Variants in MINK1 observed in about 807,000 individuals in gnomAD.
The protein encoded by MINK1 is misshapen like kinase 1.
In MINK1, 46 loss-of-function variants were observed where a neutral mutation model predicts 178.4. The ratio of observed to expected loss-of-function variants is 0.26; its 90% CI spans 0.20 to 0.33. The LOEUF is 0.33. MINK1 is among the 10% of genes least tolerant of loss of function. The pLI is 1.00. For synonymous variants in MINK1, 797 were observed against 709.7 expected (o/e 1.12, Z -1.96); for missense variants, 1,366 against 1,814.9 (o/e 0.75, Z 4.49).
intron 1 of MINK1, among the ~76,000 whole-genome samples, chr17:4,839,824 G>A (rs761858906): frequency 2.0e-5 from 3 of 152,218 alleles, no homozygotes; most frequent in Non-Finnish European, 2.9e-5. Context: ...TACGTGCTAC[G>A]TGTGGGTAGG....
At position 4,891,627 on chromosome 17, in the gene MINK1, C is replaced by T. The variant is rs763343564; in HGVS notation, c.1912C>T (p.Arg638Cys). The change falls in exon 16 of 32, where the codon CGC becomes TGC. Residue 638 changes from arginine (R) to cysteine (C), a missense_variant. Coordinates refer to ENST00000355280, the MANE Select transcript of MINK1 (RefSeq NM_153827.5). The part of the protein sequence containing the change: ...ATPSARGAVI[R>C]QNSDPTSEGP... ...GCCCAGTGCCCGAGGAGCTGTCATC[C>T]GCCAGAATTCAGACCCCACCTCTGA... 7 of 1,601,976 alleles carry T rather than the reference C, an allele frequency of 4.4e-6. No individual in the cohort carries two copies. Among genetic ancestry groups the T allele is most frequent in the South Asian group, 1.1e-5 (1 of 88,926 alleles).
In MINK1 at chr17:4,896,566, G is replaced by T; in HGVS notation, c.3753G>T (p.Trp1251Cys). The change falls in exon 30 of 32, where the codon TGG becomes TGT. Residue 1251 changes from tryptophan to cysteine, a missense_variant. Coordinates refer to ENST00000355280, the MANE Select transcript of MINK1 (RefSeq NM_153827.5). The surrounding 1 kb of genome is among the most constrained non-coding windows in gnomAD (Gnocchi z 4.6). ...TCATTAAGGATGTGGTGCTGCAGTG[G>T]GGGGAGATGCCTACTTCTGTGGGTG... Reference protein sequence around the residue: ...GRIIKDVVLQWGEMPTSVAYI... With the variant: ...GRIIKDVVLQCGEMPTSVAYI... 1.2e-6 allele frequency: 2 copies of T among 1,613,926 alleles called. No homozygotes were observed. The highest frequency in any genetic ancestry group is 1.7e-6 in the Non-Finnish European group (2 of 1,179,856).
chr17:4,862,709 G>A (rs1004094101), intron 1 of MINK1, among the ~76,000 whole-genome samples: 1 of 151,892 alleles, frequency 6.6e-6, no homozygotes, highest in African/African-American at 2.4e-5. Flanking sequence ...CACAGTGCCA[G>A]GCTGTCAATA....
intron 1 of MINK1, among the ~76,000 whole-genome samples, chr17:4,848,064 G>A: frequency 6.6e-6 from 1 of 151,740 alleles, no homozygotes; most frequent in East Asian, 1.9e-4. Context: ...AGGGAGGGAG[G>A]ACGGGAGGGA....
intron 1 of MINK1, 94 bp from the exon 2 acceptor site, chr17:4,878,223 C>T: frequency 8.8e-7 from 1 of 1,142,440 alleles, no homozygotes; most frequent in Non-Finnish European, 1.3e-6. Flanking sequence ...GGTCTTCACT[C>T]CCATATCTTG....
intron 21 of MINK1, 167 bp downstream of exon 21, chr17:4,893,764 G>A (rs1315603115): frequency 1.8e-6 from 2 of 1,123,178 alleles, no homozygotes; most frequent in East Asian, 2.6e-5. Flanking sequence ...TGCCCTGTGT[G>A]TTGTGGGGTG....
chr17:4,871,694 G>T (rs1407642903), intron 1 of MINK1, among the ~76,000 whole-genome samples: 1 of 152,202 alleles, frequency 6.6e-6, no homozygotes, highest in Admixed American at 6.5e-5. Context: ...CTACCTAGAA[G>T]TGGAATGGCT....
chr17:4,892,940 G>A (rs751917136), intron 19 of MINK1, 39 bp from the exon 20 acceptor site: 2 of 1,508,770 alleles, frequency 1.3e-6, no homozygotes, highest in Non-Finnish European at 1.8e-6. Context: ...GCCATCCCTT[G>A]TTCAGGCATC....
At chr17:4,897,075 G>T in intron 31 of MINK1, 129 bp from the exon 32 acceptor site, 1 of 898,960 alleles carries the variant, frequency 1.1e-6, no homozygotes, top group Non-Finnish European at 1.7e-6. Flanking sequence ...GGGGCACTGT[G>T]AGTCTCCTCC....
At chr17:4,842,402 A>G (rs892024434) in intron 1 of MINK1, among the ~76,000 whole-genome samples, 1 of 152,118 alleles carries the variant, frequency 6.6e-6, no homozygotes, top group Non-Finnish European at 1.5e-5. Flanking sequence ...GAGGGACTGG[A>G]CAGGTTTCTT....
At chr17:4,847,038 C>T in intron 1 of MINK1, 1 of 385,948 alleles carries the variant, frequency 2.6e-6, no homozygotes, top group South Asian at 1.9e-5. Context: ...AATGAACATA[C>T]CTGCTACTGC....
At position 4,884,900 on chromosome 17, in the gene MINK1, C is replaced by T. The variant is rs146807987; in HGVS notation, c.418-12C>T. ...AACACCATGGCTAATTTTCCCTGCT[C>T]TCCTGTCCCAGGGTCTGGCCCATCT... is the stretch of plus-strand genomic sequence containing the variant. On this transcript the variant is annotated splice_polypyrimidine_tract_variant and intron_variant, in intron 5 of 31. Transcript: ENST00000355280. 21 of 1,612,938 alleles carry T rather than the reference C, an allele frequency of 1.3e-5. No individual in the cohort carries two copies. The highest frequency in any genetic ancestry group is 5.0e-5 in the Admixed American group (3 of 59,942).
intron 15 of MINK1, 44 bp downstream of exon 15, chr17:4,891,168 T>C (rs1006650839): frequency 6.9e-7 from 1 of 1,450,942 alleles, no homozygotes; most frequent in Non-Finnish European, 9.1e-7. Context: ...CACAGGGAGC[T>C]TTGTTCAGAG....
At position 4,885,755 on chromosome 17, in the gene MINK1, C is replaced by A; in HGVS notation, c.639+142C>A. On this transcript the variant is annotated intron_variant, in intron 7 of 31. Transcript: ENST00000355280. This position sits in a 1 kb window ranked among gnomAD's most constrained non-coding sequence, Gnocchi z 5.0. ...GGCTGGGGAACATCTTACGGCAAGG[C>A]AAGTGTGGGTGGGAAGATGGGATGG... 7.1e-7 allele frequency: 1 copy of A among 1,399,282 alleles called. No individual in the cohort carries two copies. 86.7% of individuals were successfully genotyped at this position (1,399,282 alleles called of 1,614,324 possible).
intron 5 of MINK1, 75 bp from the exon 6 acceptor site, chr17:4,884,837 C>G: frequency 1.5e-6 from 2 of 1,327,220 alleles, no homozygotes; most frequent in Non-Finnish European, 2.1e-6. Context: ...TCCTTGTCCC[C>G]TCAACTCACT....
chr17:4,887,323 A>G lies in MINK1; in HGVS notation c.1019+144A>G. ...CCTGGAAACCAAATTTCTGAGTGCT[A>G]AGAAGTGGAACCAATGACTGAGCAA... On this transcript the variant is annotated intron_variant, in intron 11 of 31. Transcript: ENST00000355280. This position sits in a 1 kb window ranked among gnomAD's most constrained non-coding sequence, Gnocchi z 7.6. 6.8e-6 allele frequency: 6 copies of G among 882,222 alleles called. No homozygotes were observed. Among genetic ancestry groups the G allele is most frequent in the South Asian group, 3.2e-5 (2 of 62,154 alleles). 54.6% of individuals were successfully genotyped at this position (882,222 alleles called of 1,614,324 possible). A position where few individuals can be genotyped will look rare whatever the true frequency, so the allele number is the denominator to read the frequency against.
intron 16 of MINK1, 26 bp downstream of exon 16, chr17:4,891,742 G>A (rs982553735): frequency 1.3e-6 from 2 of 1,581,168 alleles, no homozygotes; most frequent in Non-Finnish European, 1.7e-6. Flanking sequence ...CAGGCCCAGG[G>A]AAAAGCAGAG....
Position 4,888,124 on chromosome 17 carries a change from G to T in MINK1, c.1230+334G>T, listed in dbSNP as rs550888412. 4.5e-4 allele frequency among the ~76,000 whole-genome samples: 68 copies of T among 152,106 alleles called. 2 individuals carry two copies. The highest frequency in any genetic ancestry group is 3.1e-3 in the Admixed American group (48 of 15,278). ...CCAGCTACTCCGGAGGCTGAGGCAGGAGAATTGCTTGAACCCGGGAGGCGG... is the reference window on the plus strand; with the variant it reads ...CCAGCTACTCCGGAGGCTGAGGCAGTAGAATTGCTTGAACCCGGGAGGCGG... On this transcript the variant is annotated intron_variant, in intron 12 of 31. Coordinates refer to ENST00000355280, the MANE Select transcript of MINK1 (RefSeq NM_153827.5).
At chr17:4,837,543 A>G (rs1429801002) in intron 1 of MINK1, among the ~76,000 whole-genome samples, 1 of 152,238 alleles carries the variant, frequency 6.6e-6, no homozygotes, top group Non-Finnish European at 1.5e-5. Context: ...GGATCATCCA[A>G]GAGAAAATGT....
Sources: gnomAD v4.1 joint callset for allele counts (sites outside exome capture counted in the v4.1 genomes callset) on GRCh38, gnomAD v4.1.1 for gene constraint, Gnocchi (gnomAD v3.1) non-coding constraint, MANE v1.5 for transcripts, NCBI Gene and HGNC (gene_info 2026-07-23, HGNC 2026-07-21) for gene names.